Variants in LIN52 observed in about 807,000 individuals in gnomAD.
The protein encoded by LIN52 is lin-52 DREAM MuvB core complex component, also known as protein lin-52 homolog.
Under a neutral mutation model 18.5 loss-of-function variants are expected in LIN52, and 4 were observed. That is an observed-to-expected ratio of 0.22 (90% CI 0.11 to 0.49). The LOEUF (loss-of-function observed/expected upper bound fraction) is 0.49. LIN52 is among the 20% of genes least tolerant of loss of function. LIN52 has a pLI of 0.97. For synonymous variants in LIN52, 34 were observed against 45.5 expected (o/e 0.75, Z 1.02); for missense variants, 102 against 139.5 (o/e 0.73, Z 1.35).
At chr14:74,178,651 G>A (rs1016674496) in intron 5 of LIN52, among the ~76,000 whole-genome samples, 3 of 151,416 alleles carry the variant, frequency 2.0e-5, no homozygotes, top group South Asian at 2.1e-4. Flanking sequence ...GTAGAGACGG[G>A]GTTTCGCCAT....
At chr14:74,130,461 A>G (rs1036129002) in intron 5 of LIN52, among the ~76,000 whole-genome samples, 1 of 151,082 alleles carries the variant, frequency 6.6e-6, no homozygotes, top group Non-Finnish European at 1.5e-5. Flanking sequence ...TATTTTTAGT[A>G]GAGACAGGGT....
intron 5 of LIN52, among the ~76,000 whole-genome samples, chr14:74,161,430 C>T (rs2139565318): frequency 6.6e-6 from 1 of 152,306 alleles, no homozygotes; most frequent in South Asian, 2.1e-4. Flanking sequence ...AGGTGATCCA[C>T]CCTCCTTGGC....
chr14:74,141,380 G>A (rs914840546), intron 5 of LIN52, among the ~76,000 whole-genome samples: 1 of 152,192 alleles, frequency 6.6e-6, no homozygotes, highest in African/African-American at 2.4e-5. Context: ...TTCCACAGCA[G>A]TATACATAGA....
chr14:74,093,008 A>C (rs1010978967), intron 2 of LIN52, among the ~76,000 whole-genome samples: 1 of 147,134 alleles, frequency 6.8e-6, no homozygotes, highest in Non-Finnish European at 1.5e-5. Flanking sequence ...CTGGAGTGCA[A>C]TGGTGCAATC....
chr14:74,092,586 G>A lies in LIN52; in HGVS notation c.94+1280G>A, dbSNP rs140156525. ...CTCCCAGAGTGCTGGGATTACAGGC[G>A]TGAGCCACCATGGCTGGCCATTAAT... is the stretch of plus-strand genomic sequence containing the variant. On this transcript the variant is annotated intron_variant, in intron 2 of 5. Transcript: ENST00000555028. Among the ~76,000 whole-genome samples the A allele has an allele frequency of 2.4e-3, 362 of 151,564 alleles. 2 individuals carry two copies. The highest frequency in any genetic ancestry group is 8.3e-3 in the African/African-American group (345 of 41,426).
chr14:74,101,132 T>A lies in LIN52; in HGVS notation c.200-23T>A, dbSNP rs780344218. 8.8e-6 allele frequency: 14 copies of A among 1,594,854 alleles called. No individual in the cohort carries two copies. The South Asian group carries it at 1.6e-4, about 18-fold the overall frequency. ...AGAGAAGAGTGGAAAGAAATGATGT[T>A]GAAATAAATGATTCTGTTTCAGAAC... On this transcript the variant is annotated intron_variant, in intron 4 of 5. Transcript: ENST00000555028.
chr14:74,113,109 C>T (rs1251308577), intron 5 of LIN52, among the ~76,000 whole-genome samples: 1 of 151,956 alleles, frequency 6.6e-6, no homozygotes, highest in African/African-American at 2.4e-5. Flanking sequence ...GGAAATAAAC[C>T]TGGCCAGGTG....
intron 5 of LIN52, among the ~76,000 whole-genome samples, chr14:74,178,211 A>G (rs1469985093): frequency 5.3e-5 from 8 of 152,230 alleles, no homozygotes; most frequent in Admixed American, 4.6e-4. Flanking sequence ...TTTTATATTC[A>G]CATTAACCTC....
Position 74,143,757 on chromosome 14 carries a change from A to G in LIN52, c.283+42519A>G, listed in dbSNP as rs930856105. ...CAGGGTAGCTAGCATATCTATTACCACATGCATTTATTATTTCTTTGTGGT... is the reference window on the plus strand; with the variant it reads ...CAGGGTAGCTAGCATATCTATTACCGCATGCATTTATTATTTCTTTGTGGT... On this transcript the variant is annotated intron_variant, in intron 5 of 5. Transcript: ENST00000555028. Among the ~76,000 whole-genome samples, 23 of 152,190 alleles carry G rather than the reference A, an allele frequency of 1.5e-4. 1 individual carries two copies. Among genetic ancestry groups the G allele is most frequent in the African/African-American group, 2.4e-5 (1 of 41,434 alleles).
intron 5 of LIN52, among the ~76,000 whole-genome samples, chr14:74,116,401 T>G (rs2060964861): frequency 6.6e-6 from 1 of 152,084 alleles, no homozygotes; most frequent in Admixed American, 6.5e-5. Context: ...GAATACAATG[T>G]GGTCATTAAA....
intron 5 of LIN52, among the ~76,000 whole-genome samples, chr14:74,142,051 A>T (rs1450101571): frequency 6.6e-6 from 1 of 152,210 alleles, no homozygotes; most frequent in Non-Finnish European, 1.5e-5. Flanking sequence ...TTCCAGGAGC[A>T]TTTCAGGTCA....
intron 5 of LIN52, among the ~76,000 whole-genome samples, chr14:74,149,265 G>A (rs143502394): frequency 4.6e-5 from 7 of 152,274 alleles, no homozygotes; most frequent in East Asian, 1.9e-4. Context: ...ACCCAGGGCC[G>A]TGCAGTGTTT....
At chr14:74,147,328 A>G (rs2061156363) in intron 5 of LIN52, among the ~76,000 whole-genome samples, 1 of 152,228 alleles carries the variant, frequency 6.6e-6, no homozygotes. Flanking sequence ...TATCATATAA[A>G]AAATTAACTC....
At chr14:74,193,758 C>T (rs987156558) in intron 5 of LIN52, among the ~76,000 whole-genome samples, 1 of 151,906 alleles carries the variant, frequency 6.6e-6, no homozygotes, top group African/African-American at 2.4e-5. Flanking sequence ...CCTATGTGGC[C>T]CAGGGTCAAT....
At chr14:74,100,593 A>G (rs1737423650) in intron 4 of LIN52, among the ~76,000 whole-genome samples, 1 of 152,202 alleles carries the variant, frequency 6.6e-6, no homozygotes, top group East Asian at 1.9e-4. Flanking sequence ...CTCCTGTTTC[A>G]GCCTTCTGAG....
chr14:74,148,915 G>C (rs543003274), intron 5 of LIN52, among the ~76,000 whole-genome samples: 3 of 152,362 alleles, frequency 2.0e-5, no homozygotes, highest in African/African-American at 7.2e-5. Context: ...TCAAGTGTCT[G>C]TGGCCTAGTA....
chr14:74,087,177 AG>A (rs1317633796), intron 1 of LIN52, among the ~76,000 whole-genome samples: 1 of 152,036 alleles, frequency 6.6e-6, no homozygotes, highest in East Asian at 1.9e-4. Flanking sequence ...GCACTTTGGG[AG>A]GGCGAGATGG....
intron 4 of LIN52, among the ~76,000 whole-genome samples, chr14:74,100,672 C>T (rs2060847625): frequency 6.6e-6 from 1 of 152,166 alleles, no homozygotes; most frequent in South Asian, 2.1e-4. Flanking sequence ...GACAGGGTTT[C>T]GCCAGGTTGG....
chr14:74,169,879 T>G (rs17097785), intron 5 of LIN52, among the ~76,000 whole-genome samples: 4,976 of 152,286 alleles, frequency 0.033, 210 homozygotes, highest in African/African-American at 0.098. Flanking sequence ...AAAAGAAGTT[T>G]GTGTGAAGTT....
Sources: allele counts gnomAD v4.1 joint callset (sites outside exome capture counted in the v4.1 genomes callset), GRCh38; gene constraint gnomAD v4.1.1; transcripts MANE v1.5; gene names NCBI Gene and HGNC (gene_info 2026-07-23, HGNC 2026-07-21).